Variants in SMOC2 observed in about 807,000 individuals in gnomAD.
The protein encoded by SMOC2 is SPARC-related modular calcium-binding protein 2.
In SMOC2, 39 loss-of-function variants were observed where a neutral mutation model predicts 61.4. The observed-to-expected ratio is 0.64, with a 90% CI of 0.49 to 0.83. The LOEUF (loss-of-function observed/expected upper bound fraction) is 0.83, where lower values mean the gene tolerates loss of function less well. Ranked by LOEUF, SMOC2 falls within the 40% of genes least tolerant of loss-of-function variation. The pLI is 0.00. For missense variants in SMOC2, 556 were observed against 592.9 expected, an observed-to-expected ratio of 0.94 and a Z score of 0.65; for synonymous variants, 247 against 239.9, an observed-to-expected ratio of 1.03 and a Z score of -0.27.
intron 7 of SMOC2, among the ~76,000 whole-genome samples, chr6:168,560,501 G>A (rs999145378): frequency 6.7e-6 from 1 of 149,492 alleles, no homozygotes; most frequent in Non-Finnish European, 1.5e-5. Context: ...CTGGCCCTGA[G>A]ATGTGAGGCT....
intron 1 of SMOC2, among the ~76,000 whole-genome samples, chr6:168,470,265 T>C (rs1405213866): frequency 1.3e-5 from 2 of 152,380 alleles, no homozygotes; most frequent in East Asian, 3.9e-4. Context: ...CATAGTTTCC[T>C]ACTCTTTCCG....
chr6:168,503,982 T>G (rs1287967262), intron 1 of SMOC2, among the ~76,000 whole-genome samples: 2 of 152,106 alleles, frequency 1.3e-5, no homozygotes, highest in Admixed American at 1.3e-4. Context: ...TGAACCCCGG[T>G]CTCCTCAGGT....
At chr6:168,624,806 CACAG>C (rs745562186) in intron 9 of SMOC2, among the ~76,000 whole-genome samples, 2 of 126,264 alleles carry the variant, frequency 1.6e-5, no homozygotes, top group Admixed American at 7.9e-5. Flanking sequence ...GACACATGCA[CACAG>C]ACACACATTG....
At chr6:168,458,995 T>C (rs1781656230) in intron 1 of SMOC2, among the ~76,000 whole-genome samples, 2 of 152,220 alleles carry the variant, frequency 1.3e-5, no homozygotes, top group African/African-American at 4.8e-5. Flanking sequence ...AACGTGGTCA[T>C]AATTATGAAT....
At chr6:168,571,115 C>T (rs558094319) in intron 7 of SMOC2, among the ~76,000 whole-genome samples, 1 of 152,184 alleles carries the variant, frequency 6.6e-6, no homozygotes, top group Non-Finnish European at 1.5e-5. Context: ...CGAGCATGGA[C>T]CGCTGTGTGT....
chr6:168,464,186 C>CAAAAA lies in SMOC2; in HGVS notation c.84+22744_84+22748dup, dbSNP rs61434310. Reference sequence around the variant, plus strand: ...ATCCTGGGCAACAGAGCAAGACTGTCAAAAAAAAAAAAAAAAGAGGAAGGA... The same window carrying CAAAAA: ...ATCCTGGGCAACAGAGCAAGACTGTCAAAAAAAAAAAAAAAAAAAAAGAGGAAGGA... On this transcript the variant is annotated intron_variant, in intron 1 of 12. Coordinates refer to ENST00000356284, the MANE Select transcript of SMOC2 (RefSeq NM_001166412.2). 5.3e-4 allele frequency among the ~76,000 whole-genome samples: 59 copies of CAAAAA among 112,368 alleles called. 2 individuals are homozygous for CAAAAA. Among genetic ancestry groups the CAAAAA allele is most frequent in the African/African-American group, 1.9e-3 (58 of 29,874 alleles). 73.7% of individuals were successfully genotyped at this position (112,368 alleles called of 152,430 possible).
intron 9 of SMOC2, among the ~76,000 whole-genome samples, chr6:168,620,587 T>A (rs1786216975): frequency 6.6e-6 from 1 of 152,162 alleles, no homozygotes; most frequent in Non-Finnish European, 1.5e-5. Context: ...TTGTAAACTC[T>A]TTTCCAGACT....
chr6:168,485,413 A>G (rs979115114), intron 1 of SMOC2, among the ~76,000 whole-genome samples: 4 of 152,242 alleles, frequency 2.6e-5, no homozygotes, highest in African/African-American at 9.6e-5. Flanking sequence ...CAAAAGGTGA[A>G]ATCAACCTGA....
chr6:168,558,804 CATGTGT>C (rs1356405339), intron 7 of SMOC2, among the ~76,000 whole-genome samples: 2 of 151,268 alleles, frequency 1.3e-5, no homozygotes, highest in Non-Finnish European at 3.0e-5. Flanking sequence ...TGCGTGTGCG[CATGTGT>C]GTGTGTGCGT....
chr6:168,626,696 C>T (rs573622038), intron 9 of SMOC2, among the ~76,000 whole-genome samples: 11 of 152,346 alleles, frequency 7.2e-5, no homozygotes, highest in Admixed American at 2.0e-4. Flanking sequence ...GGCAACTTAA[C>T]GCGTTCTGTT....
chr6:168,611,203 GC>G, intron 9 of SMOC2, among the ~76,000 whole-genome samples: 1 of 147,216 alleles, frequency 6.8e-6, no homozygotes, highest in African/African-American at 2.5e-5. Context: ...GCCCTATGTG[GC>G]TCCCGTGTCG....
chr6:168,520,426 G>A (rs377716768), intron 2 of SMOC2, among the ~76,000 whole-genome samples: 2 of 152,310 alleles, frequency 1.3e-5, no homozygotes, highest in African/African-American at 2.4e-5. Context: ...CGTTCAGCCC[G>A]TGGCATTCCC....
At chr6:168,554,018 C>T (rs1007902515) in intron 7 of SMOC2, among the ~76,000 whole-genome samples, 3 of 148,870 alleles carry the variant, frequency 2.0e-5, no homozygotes, top group African/African-American at 5.1e-5. Flanking sequence ...TTAAAACTCG[C>T]GTTTGAACTG....
intron 11 of SMOC2, among the ~76,000 whole-genome samples, chr6:168,659,590 T>TTGGCTGGTTGATGGTGG: frequency 6.8e-6 from 1 of 146,968 alleles, no homozygotes; most frequent in Non-Finnish European, 1.5e-5. Flanking sequence ...GTGGAGGTTG[T>TTGGCTGGTTGATGGTGG]AGGTTGGGTG....
In SMOC2 at chr6:168,555,559, T is replaced by C. The variant is rs1784227521; in HGVS notation, c.637+6356T>C. On this transcript the variant is annotated intron_variant, in intron 7 of 12. Coordinates refer to ENST00000356284, the MANE Select transcript of SMOC2 (RefSeq NM_001166412.2). ...ACCCTGCTCCCCGTGGGATTTGGGA[T>C]GGACGTATGGCGTCCACGGCCGCAT... Among the ~76,000 whole-genome samples the C allele has an allele frequency of 1.3e-5, 2 of 152,186 alleles. 1 individual carries two copies. The highest frequency in any genetic ancestry group is 4.1e-4 in the South Asian group (2 of 4,834).
intron 12 of SMOC2, chr6:168,664,741 A>C (rs776500053): frequency 2.1e-6 from 1 of 471,054 alleles, no homozygotes; most frequent in Non-Finnish European, 4.4e-6. Context: ...TAAAGGATGC[A>C]ATGGTGGTGT....
At chr6:168,571,101 C>T (rs1419115258) in intron 7 of SMOC2, among the ~76,000 whole-genome samples, 1 of 152,160 alleles carries the variant, frequency 6.6e-6, no homozygotes, top group Non-Finnish European at 1.5e-5. Context: ...TTGTTGTTAA[C>T]CCCCGAGCAT....
rs1273254088 is a variant in SMOC2, at chr6:168,585,105, G to A, written c.638-13713G>A. Among the ~76,000 whole-genome samples, 3 of 152,140 alleles carry A rather than the reference G, an allele frequency of 2.0e-5. 1 individual carries two copies. Among genetic ancestry groups the A allele is most frequent in the African/African-American group, 7.2e-5 (3 of 41,412 alleles). On this transcript the variant is annotated intron_variant, in intron 7 of 12. Coordinates refer to ENST00000356284, the MANE Select transcript of SMOC2 (RefSeq NM_001166412.2). ...CCAGAGTAGCTGGAACTACACGAGG[G>A]CGCCACCACACACAGTGAATTTTTG...
At chr6:168,641,646 G>T (rs1374096816) in intron 9 of SMOC2, among the ~76,000 whole-genome samples, 1 of 152,210 alleles carries the variant, frequency 6.6e-6, no homozygotes, top group Non-Finnish European at 1.5e-5. Flanking sequence ...AGAATTTCTG[G>T]AATGTTATGG....
Sources: gnomAD v4.1 joint callset for allele counts (sites outside exome capture counted in the v4.1 genomes callset) on GRCh38, gnomAD v4.1.1 for gene constraint, MANE v1.5 for transcripts, NCBI Gene and HGNC (gene_info 2026-07-23, HGNC 2026-07-21) for gene names.